Variants in DNAJC6 observed in about 807,000 individuals in gnomAD.
The protein encoded by DNAJC6 is auxilin.
DNAJC6 carries 34 observed loss-of-function variants against 110.0 expected under a neutral mutation model. The ratio of observed to expected loss-of-function variants is 0.31; its 90% CI spans 0.24 to 0.41. The LOEUF is 0.41. DNAJC6 is among the 10% of genes least tolerant of loss of function. DNAJC6 has a pLI of 1.00. For synonymous variants in DNAJC6, 406 were observed against 437.2 expected, an observed-to-expected ratio of 0.93 and a Z score of 0.89; for missense variants, 1,031 against 1,207.8, an observed-to-expected ratio of 0.85 and a Z score of 2.17.
chr1:65,412,773 G>A (rs2101647244), intron 18 of DNAJC6, 151 bp from the exon 19 acceptor site: 1 of 661,122 alleles, frequency 1.5e-6, no homozygotes, highest in Non-Finnish European at 2.6e-6. Flanking sequence ...TAGTAATTTG[G>A]GTCAGATATA....
chr1:65,264,945 C>T (rs761045879), intron 1 of DNAJC6: 5 of 1,612,018 alleles, frequency 3.1e-6, no homozygotes, highest in African/African-American at 2.7e-5. Context: ...AAGGGGCGGA[C>T]TGCAGAAAGA....
chr1:65,300,155 G>A (rs926410907), intron 1 of DNAJC6, among the ~76,000 whole-genome samples: 2 of 152,036 alleles, frequency 1.3e-5, no homozygotes, highest in African/African-American at 2.4e-5. Flanking sequence ...AATAACAGTG[G>A]CAAAATAATA....
rs549458971 is a variant in DNAJC6 at position 65,341,588 on chromosome 1, T to A, written c.194-23047T>A. 1.6e-3 allele frequency among the ~76,000 whole-genome samples: 237 copies of A among 152,318 alleles called. 1 individual carries two copies. The highest frequency in any genetic ancestry group is 5.5e-3 in the African/African-American group (230 of 41,582). ...ATATGCTTTCACACCACAAAGGGAC[T>A]TGACAATGGGCAGGTTTCCAAGTCT... On this transcript the variant is annotated intron_variant, in intron 1 of 18. Transcript: ENST00000371069.
chr1:65,288,578 G>A (rs1456026045), intron 1 of DNAJC6, among the ~76,000 whole-genome samples: 3 of 152,180 alleles, frequency 2.0e-5, no homozygotes, highest in Non-Finnish European at 4.4e-5. Context: ...ACAGAAAAGT[G>A]TAAAGCATTT....
At chr1:65,343,156 A>G (rs1385395420) in intron 1 of DNAJC6, among the ~76,000 whole-genome samples, 1 of 152,168 alleles carries the variant, frequency 6.6e-6, no homozygotes, top group African/African-American at 2.4e-5. Flanking sequence ...TGGCTCTAGT[A>G]TGTACCATTG....
intron 1 of DNAJC6, among the ~76,000 whole-genome samples, chr1:65,289,086 C>T (rs1654111652): frequency 1.3e-5 from 2 of 152,172 alleles, no homozygotes; most frequent in South Asian, 2.1e-4. Context: ...TTAATAGATA[C>T]TGCCAAACAG....
intron 1 of DNAJC6, among the ~76,000 whole-genome samples, chr1:65,324,344 GT>G (rs1207688322): frequency 1.3e-5 from 2 of 151,022 alleles, no homozygotes; most frequent in Admixed American, 6.6e-5. Flanking sequence ...GCCTAGCTAA[GT>G]TTTTTTTGTT....
upstream of DNAJC6, among the ~76,000 whole-genome samples, chr1:65,306,954 CTCTCTCTCTCAATCTGTT>C (rs1441356612): frequency 6.6e-4 from 97 of 147,454 alleles, no homozygotes; most frequent in African/African-American, 2.4e-3. Context: ...TTAAGTACTA[CTCTCTCTCTCAATCTGTT>C]TCTCTCTCTC....
chr1:65,333,051 C>G (rs1645302754), intron 1 of DNAJC6, among the ~76,000 whole-genome samples: 1 of 152,198 alleles, frequency 6.6e-6, no homozygotes. Flanking sequence ...CCATCCATCA[C>G]TAGCAGATTT....
intron 1 of DNAJC6, among the ~76,000 whole-genome samples, chr1:65,271,836 A>G (rs1653515765): frequency 6.7e-6 from 1 of 149,168 alleles, no homozygotes; most frequent in South Asian, 2.1e-4. Context: ...ACCACTGTAC[A>G]CTCCAGCCTG....
chr1:65,285,301 G>A (rs191985347), intron 1 of DNAJC6, among the ~76,000 whole-genome samples: 123 of 152,196 alleles, frequency 8.1e-4, no homozygotes, highest in Non-Finnish European at 1.4e-3. Flanking sequence ...AATGCCTGGC[G>A]TACAATTGCT....
Position 65,309,719 on chromosome 1 carries a change from T to G in DNAJC6, c.-27T>G. 1 of 1,543,032 alleles carries G rather than the reference T, an allele frequency of 6.5e-7. No individual in the cohort carries two copies. Among genetic ancestry groups the G allele is most frequent in the African/African-American group, 1.4e-5 (1 of 71,758 alleles). ...CTCCCTTTTCGCTTCCCAGGTTGATTATTTTCTCTTTTCTCCGGGCTTGCC... is the reference window on the plus strand; with the variant it reads ...CTCCCTTTTCGCTTCCCAGGTTGATGATTTTCTCTTTTCTCCGGGCTTGCC... On this transcript the variant is annotated 5_prime_UTR_variant, in exon 1 of 19. The change creates a new upstream start codon in the 5' untranslated region. Coordinates refer to ENST00000371069, the MANE Select transcript of DNAJC6 (RefSeq NM_001256864.2).
chr1:65,295,197 T>C (rs936738528), intron 1 of DNAJC6, among the ~76,000 whole-genome samples: 1 of 152,232 alleles, frequency 6.6e-6, no homozygotes, highest in Non-Finnish European at 1.5e-5. Flanking sequence ...CTTGTAATTG[T>C]ATGAAGCATG....
At chr1:65,391,922 C>T (rs1645931143) in intron 11 of DNAJC6, among the ~76,000 whole-genome samples, 1 of 152,016 alleles carries the variant, frequency 6.6e-6, no homozygotes, top group Non-Finnish European at 1.5e-5. Flanking sequence ...GGATTACAGG[C>T]ACACGCCACC....
intron 17 of DNAJC6, among the ~76,000 whole-genome samples, chr1:65,410,296 T>A (rs1381105222): frequency 6.6e-6 from 1 of 152,198 alleles, no homozygotes; most frequent in Non-Finnish European, 1.5e-5. Flanking sequence ...ATAATATACA[T>A]CTAATATAAC....
At chr1:65,328,951 G>A (rs1368034489) in intron 1 of DNAJC6, among the ~76,000 whole-genome samples, 3 of 152,210 alleles carry the variant, frequency 2.0e-5, no homozygotes, top group African/African-American at 7.2e-5. Context: ...GACCTTCTAA[G>A]TCTGGGTCAG....
At chr1:65,280,241 A>G (rs1300916594) in intron 1 of DNAJC6, among the ~76,000 whole-genome samples, 1 of 152,212 alleles carries the variant, frequency 6.6e-6, no homozygotes, top group African/African-American at 2.4e-5. Context: ...CGTCTCTTAG[A>G]GATAATTGCT....
Position 65,413,116 on chromosome 1 carries a change from C to T in DNAJC6, c.*91C>T. ...GTTTTCGCAGATGAACCAAAAACTC[C>T]AGTAACATGTTTTCAGTACTAAACC... On this transcript the variant is annotated 3_prime_UTR_variant, in exon 19 of 19. Coordinates refer to ENST00000371069, the MANE Select transcript of DNAJC6 (RefSeq NM_001256864.2). 1 of 1,055,310 alleles carries T rather than the reference C, an allele frequency of 9.5e-7. No homozygotes were observed. Among genetic ancestry groups the T allele is most frequent in the South Asian group, 1.4e-5 (1 of 71,262 alleles). 65.4% of individuals were successfully genotyped at this position (1,055,310 alleles called of 1,614,324 possible).
At chr1:65,315,652 T>C (rs1274754783) in intron 1 of DNAJC6, among the ~76,000 whole-genome samples, 1 of 152,238 alleles carries the variant, frequency 6.6e-6, no homozygotes, top group Non-Finnish European at 1.5e-5. Flanking sequence ...TCAGGGATTA[T>C]GCTAAACACT....
Sources: gnomAD v4.1 joint callset for allele counts (sites outside exome capture counted in the v4.1 genomes callset) on GRCh38, gnomAD v4.1.1 for gene constraint, MANE v1.5 for transcripts, NCBI Gene and HGNC (gene_info 2026-07-23, HGNC 2026-07-21) for gene names.